Variants in SNTG1 observed in about 807,000 individuals in gnomAD.
SNTG1 encodes gamma-1-syntrophin.
In SNTG1, 39 loss-of-function variants were observed where a neutral mutation model predicts 74.7. The ratio of observed to expected loss-of-function variants is 0.52; its 90% CI spans 0.40 to 0.68. SNTG1 has a LOEUF of 0.68. Ranked by LOEUF, SNTG1 falls within the 30% of genes least tolerant of loss-of-function variation. SNTG1 has a pLI of 0.00. For synonymous variants in SNTG1, 254 were observed against 217.1 expected (o/e 1.17, Z -1.49); for missense variants, 685 against 609.5 (o/e 1.12, Z -1.30).
At chr8:50,191,521 A>T (rs2083576858) in intron 2 of SNTG1, among the ~76,000 whole-genome samples, 1 of 152,146 alleles carries the variant, frequency 6.6e-6, no homozygotes, top group Non-Finnish European at 1.5e-5. Flanking sequence ...ATGTTGAGAA[A>T]CAATCCTCTA....
At chr8:50,056,033 A>G in intron 1 of SNTG1, among the ~76,000 whole-genome samples, 1 of 152,068 alleles carries the variant, frequency 6.6e-6, no homozygotes, top group East Asian at 1.9e-4. Flanking sequence ...GGAAAAATGA[A>G]TCATCACCTT....
intron 1 of SNTG1, among the ~76,000 whole-genome samples, chr8:50,055,594 T>A (rs1193632588): frequency 6.6e-6 from 1 of 152,078 alleles, no homozygotes; most frequent in Non-Finnish European, 1.5e-5. Flanking sequence ...TCCTCATTTG[T>A]AAAAGGCATT....
At chr8:50,063,256 T>C (rs1273526073) in intron 1 of SNTG1, among the ~76,000 whole-genome samples, 1 of 152,252 alleles carries the variant, frequency 6.6e-6, no homozygotes, top group Non-Finnish European at 1.5e-5. Context: ...ACTTCAGAGA[T>C]GAATTCATAG....
chr8:50,379,428 G>T lies in SNTG1; in HGVS notation c.-27-14784G>T, dbSNP rs967946996. ...GCAGTTGTGCCGATGGGGGGTCAGG[G>T]GCAGGGCTCCCTCCTGCTCCAGGGC... On this transcript the variant is annotated intron_variant, in intron 2 of 18. Coordinates refer to ENST00000642720, the MANE Select transcript of SNTG1 (RefSeq NM_018967.5). Among the ~76,000 whole-genome samples, 18 of 152,274 alleles carry T rather than the reference G, an allele frequency of 1.2e-4. 1 individual carries two copies. Among genetic ancestry groups the T allele is most frequent in the African/African-American group, 4.1e-4 (17 of 41,578 alleles).
intron 13 of SNTG1, among the ~76,000 whole-genome samples, chr8:50,592,492 G>T (rs1385875218): frequency 6.6e-6 from 1 of 152,154 alleles, no homozygotes; most frequent in Non-Finnish European, 1.5e-5. Flanking sequence ...CATGTAGTCA[G>T]CTTGCTGACT....
At chr8:49,932,545 TA>T (rs201491912) in intron 1 of SNTG1, among the ~76,000 whole-genome samples, 60 of 149,434 alleles carry the variant, frequency 4.0e-4, no homozygotes, top group African/African-American at 9.5e-4. Context: ...ATTATGTCTT[TA>T]AAAAAAAAAT....
intron 17 of SNTG1, among the ~76,000 whole-genome samples, chr8:50,745,976 T>C (rs2095554229): frequency 6.6e-6 from 1 of 152,000 alleles, no homozygotes; most frequent in Non-Finnish European, 1.5e-5. Flanking sequence ...ATTGTGAATG[T>C]ATTTAACATT....
intron 1 of SNTG1, among the ~76,000 whole-genome samples, chr8:50,146,141 C>T (rs999762721): frequency 2.2e-4 from 33 of 151,930 alleles, no homozygotes; most frequent in South Asian, 4.2e-4. Flanking sequence ...TAAAGAGTAT[C>T]CAATTTGTGT....
chr8:50,462,773 C>A (rs1286585807), intron 8 of SNTG1, among the ~76,000 whole-genome samples: 1 of 135,726 alleles, frequency 7.4e-6, no homozygotes, highest in Non-Finnish European at 1.5e-5. Flanking sequence ...GGCAGCAACT[C>A]AGTCGCATCT....
At chr8:50,625,598 T>G (rs914780429) in intron 13 of SNTG1, among the ~76,000 whole-genome samples, 2 of 152,220 alleles carry the variant, frequency 1.3e-5, no homozygotes, top group Non-Finnish European at 2.9e-5. Context: ...TTCTGAATCA[T>G]AGATTATCAT....
intron 17 of SNTG1, among the ~76,000 whole-genome samples, chr8:50,729,431 C>T (rs1467077943): frequency 6.6e-6 from 1 of 152,146 alleles, no homozygotes; most frequent in Non-Finnish European, 1.5e-5. Flanking sequence ...TGTGATTCTC[C>T]TATGAGGGCT....
intron 2 of SNTG1, among the ~76,000 whole-genome samples, chr8:50,341,487 T>C (rs1036550703): frequency 7.9e-5 from 12 of 151,970 alleles, no homozygotes; most frequent in Non-Finnish European, 4.4e-5. Context: ...TATGAAAGTG[T>C]CCTACTGTTT....
At chr8:49,988,376 T>C (rs1311961365) in intron 1 of SNTG1, among the ~76,000 whole-genome samples, 2 of 152,174 alleles carry the variant, frequency 1.3e-5, no homozygotes, top group Non-Finnish European at 2.9e-5. Context: ...ATCAATATGT[T>C]AGAAGAATTA....
chr8:50,155,230 G>A (rs1347912865), intron 1 of SNTG1, among the ~76,000 whole-genome samples: 2 of 152,130 alleles, frequency 1.3e-5, no homozygotes, highest in Non-Finnish European at 2.9e-5. Context: ...TACACAGAGA[G>A]ATCATAAGAA....
chr8:50,511,774 C>T (rs1000413428), intron 9 of SNTG1, among the ~76,000 whole-genome samples: 11 of 152,180 alleles, frequency 7.2e-5, no homozygotes, highest in African/African-American at 2.4e-4. Context: ...CTTGGTAGAT[C>T]TTCCTCGATC....
chr8:50,705,255 T>TGGA, intron 16 of SNTG1, among the ~76,000 whole-genome samples: 1 of 152,210 alleles, frequency 6.6e-6, no homozygotes, highest in Non-Finnish European at 1.5e-5. Flanking sequence ...TTGCCAATAC[T>TGGA]CCTTCTACAA....
At chr8:50,206,473 C>T (rs552668981) in intron 2 of SNTG1, among the ~76,000 whole-genome samples, 16 of 152,248 alleles carry the variant, frequency 1.1e-4, no homozygotes, top group East Asian at 3.9e-4. Flanking sequence ...TAGGCTGAGA[C>T]GATGGGGTTT....
At chr8:50,155,372 A>G (rs2082220270) in intron 1 of SNTG1, among the ~76,000 whole-genome samples, 1 of 152,198 alleles carries the variant, frequency 6.6e-6, no homozygotes, top group Non-Finnish European at 1.5e-5. Flanking sequence ...TATCCACAGT[A>G]AACAAAAATA....
At chr8:50,501,580 C>T (rs549810768) in intron 8 of SNTG1, among the ~76,000 whole-genome samples, 120 of 150,362 alleles carry the variant, frequency 8.0e-4, no homozygotes, top group African/African-American at 2.7e-3. Context: ...GGATTACAGA[C>T]GCCTGCCACG....
Sources: gnomAD v4.1 joint callset for allele counts (sites outside exome capture counted in the v4.1 genomes callset) on GRCh38, gnomAD v4.1.1 for gene constraint, MANE v1.5 for transcripts, NCBI Gene and HGNC (gene_info 2026-07-23, HGNC 2026-07-21) for gene names.